CGN: variants seen among roughly 807,000 people sequenced by gnomAD.
CGN encodes the protein cingulin.
CGN carries 121 observed loss-of-function variants against 157.1 expected under a neutral mutation model. The ratio of observed to expected loss-of-function variants is 0.77; its 90% CI spans 0.66 to 0.90. The LOEUF is 0.90. Ranked by LOEUF, CGN falls within the 40% of genes least tolerant of loss-of-function variation. CGN has a pLI of 0.00. For missense variants in CGN, 1,424 were observed against 1,520.9 expected (o/e 0.94, Z 1.06); for synonymous variants, 535 against 607.5 (o/e 0.88, Z 1.76).
At position 151,524,339 on chromosome 1, in the gene CGN, C is replaced by CT. The variant is rs1348858853; in HGVS notation, c.1383dup (p.Lys462Ter). 2 of 1,614,024 alleles carry CT rather than the reference C, an allele frequency of 1.2e-6. No individual in the cohort carries two copies. Among genetic ancestry groups the CT allele is most frequent in the East Asian group, 4.5e-5 (2 of 44,874 alleles). On this transcript the variant is annotated frameshift_variant, in exon 7 of 21. Transcript: ENST00000271636. LOFTEE classifies it high-confidence loss of function. The surrounding 1 kb of genome is among the most constrained non-coding windows in gnomAD (Gnocchi z 4.4). ...AAACATGTCCAGGGTCCTGAGCCTG[C>CT]TAAGGAGGTGTTACTGAAGGTAGGG...
At chr1:151,536,995 G>C in intron 20 of CGN, 102 bp downstream of exon 20, 2 of 1,341,918 alleles carry the variant, frequency 1.5e-6, no homozygotes, top group African/African-American at 2.9e-5. Flanking sequence ...ACATGGTACT[G>C]TGTAGTCACT....
At chr1:151,525,923 A>G in intron 9 of CGN, 133 bp downstream of exon 9, 1 of 556,650 alleles carries the variant, frequency 1.8e-6, no homozygotes, top group Non-Finnish European at 2.6e-6. Context: ...CCCAGGCTGG[A>G]GTGTCATGGC....
chr1:151,537,309 T>C lies in CGN; in HGVS notation c.3575T>C (p.Leu1192Pro). 1 of 1,614,132 alleles carries C rather than the reference T, an allele frequency of 6.2e-7. No individual in the cohort carries two copies. The highest frequency in any genetic ancestry group is 1.3e-5 in the African/African-American group (1 of 75,048). ...SVYDPSSIASLLTESNLQTSS... is the reference protein window; with the variant it reads ...SVYDPSSIASPLTESNLQTSS... ...TACGATCCCTCGTCCATTGCATCAC[T>C]GCTTACGGAGAGCAACCTACAGACC... The change falls in exon 21 of 21, where the codon CTG becomes CCG. Residue 1192 changes from leucine to proline, a missense_variant. Coordinates refer to ENST00000271636, the MANE Select transcript of CGN (RefSeq NM_020770.3).
At chr1:151,510,223 T>C (rs998488580), upstream of CGN, among the ~76,000 whole-genome samples, 1 of 151,838 alleles carries the variant, frequency 6.6e-6, no homozygotes, top group Non-Finnish European at 1.5e-5. Flanking sequence ...GACCCACACC[T>C]AGCTTTTGAA....
At chr1:151,527,838 C>T (rs1243392015) in intron 10 of CGN, 12 of 246,242 alleles carry the variant, frequency 4.9e-5, no homozygotes, top group African/African-American at 2.4e-4. Context: ...CACACACACA[C>T]GAAAGACAAG....
Position 151,529,432 on chromosome 1 carries a change from G to A in CGN, c.1979G>A (p.Arg660Gln), listed in dbSNP as rs116788396. The change falls in exon 11 of 21, where the codon CGG (arginine) becomes CAG (glutamine). Residue 660 changes from arginine to glutamine, a missense_variant. Physicochemically the swap from Arg to Gln is conservative, Grantham distance 43. Around this residue, in one of 3 missense-constraint regions of CGN, gnomAD observed 1,187 missense variants for 1,217.6 expected, o/e 0.97. Transcript: ENST00000271636. ...GAGGTGGCTGGGCGACACCGGGACC[G>A]GGAGTTGGAGAAGCAGCTGGCGGTC... Reference protein sequence around the residue: ...SQEVAGRHRDRELEKQLAVLR... With the variant: ...SQEVAGRHRDQELEKQLAVLR... The A allele has an allele frequency of 9.1e-4, 1,462 of 1,613,834 alleles. 18 individuals carry two copies. In the African/African-American group the frequency reaches 0.016, roughly 18 times the overall value.
At position 151,519,156 on chromosome 1, in the gene CGN, A is replaced by C. The variant is rs753621779; in HGVS notation, c.637A>C (p.Lys213Gln). The C allele has an allele frequency of 6.2e-7, 1 of 1,614,056 alleles. No individual in the cohort carries two copies. Among genetic ancestry groups the C allele is most frequent in the Admixed American group, 1.7e-5 (1 of 60,036 alleles). The change falls in exon 2 of 21, where the codon AAG becomes CAG. Residue 213 changes from lysine to glutamine, a missense_variant. Lys to Gln is a moderately conservative substitution (Grantham distance 53). Transcript: ENST00000271636. ...MLPPEQRKRS[K>Q]SLDSRLPRDT... ...ACCCCCTGAACAGCGCAAACGGAGC[A>C]AGAGCCTGGACAGCCGCCTCCCACG...
At chr1:151,535,549 G>T in intron 16 of CGN, 51 bp from the exon 17 acceptor site, 1 of 1,423,792 alleles carries the variant, frequency 7.0e-7, no homozygotes, top group Non-Finnish European at 9.9e-7. Context: ...TCAGCTTGCT[G>T]GTTCATCCTT....
rs1557995240 is a variant in CGN, at chr1:151,537,388, T to A, written c.*42T>A. ...ACTCAGAAACCAGGCTCGAGGCCTA[T>A]CCCAGCAAGTGCTGCTCTGCTCTGC... On this transcript the variant is annotated 3_prime_UTR_variant, in exon 21 of 21. Transcript: ENST00000271636. 1 of 1,588,756 alleles carries A rather than the reference T, an allele frequency of 6.3e-7. No homozygotes were observed. Among genetic ancestry groups the A allele is most frequent in the Non-Finnish European group, 8.6e-7 (1 of 1,163,524 alleles).
intron 10 of CGN, 107 bp downstream of exon 10, chr1:151,527,214 T>A: frequency 1.6e-6 from 2 of 1,244,166 alleles, no homozygotes; most frequent in Non-Finnish European, 2.3e-6. Context: ...TGTGCTTGGT[T>A]TCCAGGCCTC....
At chr1:151,514,754 T>C (rs372442961) in intron 1 of CGN, among the ~76,000 whole-genome samples, 2 of 152,292 alleles carry the variant, frequency 1.3e-5, no homozygotes, top group East Asian at 1.9e-4. Context: ...AACGTGGATC[T>C]GACCTGGTTT....
At position 151,525,794 on chromosome 1, in the gene CGN, AG is replaced by A; in HGVS notation, c.1763+6del. The A allele has an allele frequency of 6.4e-7, 1 of 1,561,568 alleles. No homozygotes were observed. The highest frequency in any genetic ancestry group is 1.2e-5 in the South Asian group (1 of 84,104). On this transcript the variant is annotated splice_donor_5th_base_variant and intron_variant, in intron 9 of 20. Coordinates refer to ENST00000271636, the MANE Select transcript of CGN (RefSeq NM_020770.3). ...ATCTTAGAGCCACCAAGCAGGAGTAAGGACATTGGCCCTCTCAGAAATACCC... is the reference window on the plus strand; with the variant it reads ...ATCTTAGAGCCACCAAGCAGGAGTAAGACATTGGCCCTCTCAGAAATACCC...
chr1:151,526,062 G>A (rs1442353267), intron 9 of CGN, among the ~76,000 whole-genome samples: 1 of 151,536 alleles, frequency 6.6e-6, no homozygotes, highest in African/African-American at 2.4e-5. Context: ...TAGTAGAGAT[G>A]AGGTTTTACC....
intron 10 of CGN, among the ~76,000 whole-genome samples, chr1:151,527,516 A>C (rs1039596933): frequency 6.6e-6 from 1 of 152,200 alleles, no homozygotes; most frequent in African/African-American, 2.4e-5. Flanking sequence ...TTAGAATTTC[A>C]GTTTATTAAT....
intron 5 of CGN, among the ~76,000 whole-genome samples, chr1:151,521,674 A>G (rs1450610877): frequency 2.0e-5 from 3 of 152,154 alleles, no homozygotes; most frequent in Non-Finnish European, 4.4e-5. Context: ...TCCTGTCTCT[A>G]CTAAAAATAC....
Position 151,531,892 on chromosome 1 carries a change from C to T in CGN, c.2572-510C>T, listed in dbSNP as rs530064714. 1.4e-4 allele frequency among the ~76,000 whole-genome samples: 22 copies of T among 152,162 alleles called. No homozygotes were observed. The South Asian group carries it at 3.9e-3, about 27-fold the overall frequency. On this transcript the variant is annotated intron_variant, in intron 13 of 20. Transcript: ENST00000271636. The stretch of plus-strand genomic sequence containing the variant: ...TTATCATTTGTCAATGAAAAATGCA[C>T]ATCTTATCATTTGTCAATGAAAAAT...
At chr1:151,520,774 C>T in intron 5 of CGN, 83 bp downstream of exon 5, 1 of 1,042,030 alleles carries the variant, frequency 9.6e-7, no homozygotes, top group Non-Finnish European at 1.5e-6. Flanking sequence ...GCTGACCCTT[C>T]TAAGCAATGG....
intron 10 of CGN, 81 bp downstream of exon 10, chr1:151,527,188 G>T (rs763528819): frequency 2.6e-6 from 4 of 1,511,722 alleles, no homozygotes; most frequent in African/African-American, 1.4e-5. Flanking sequence ...CTTCTTGCTA[G>T]TGGGGCTATC....
Position 151,516,317 on chromosome 1 carries a change from G to C in CGN, c.-14-2189G>C, listed in dbSNP as rs1664411452. Among the ~76,000 whole-genome samples the C allele has an allele frequency of 2.6e-5, 4 of 152,172 alleles. No homozygotes were observed. In the South Asian group the frequency reaches 8.3e-4, roughly 32 times the overall value. ...GGCTCATCCTCCAGTTTGGTGCTAGGCTCTGGTGGAGACTAGCAGAAGGGG... is the reference window on the plus strand; with the variant it reads ...GGCTCATCCTCCAGTTTGGTGCTAGCCTCTGGTGGAGACTAGCAGAAGGGG... On this transcript the variant is annotated intron_variant, in intron 1 of 20. Transcript: ENST00000271636.
Sources: gnomAD v4.1 joint callset for allele counts (sites outside exome capture counted in the v4.1 genomes callset) on GRCh38, gnomAD v4.1.1 for gene constraint, gnomAD v4.1.1 regional missense constraint, Gnocchi (gnomAD v3.1) non-coding constraint, MANE v1.5 for transcripts, NCBI Gene and HGNC (gene_info 2026-07-23, HGNC 2026-07-21) for gene names.